Variants in DGKB observed in about 807,000 individuals in gnomAD.
DGKB encodes the protein diacylglycerol kinase beta.
Under a neutral mutation model 114.3 loss-of-function variants are expected in DGKB, and 67 were observed. The ratio of observed to expected loss-of-function variants is 0.59; its 90% confidence interval spans 0.48 to 0.72. The LOEUF (loss-of-function observed/expected upper bound fraction) is 0.72. DGKB is among the 30% of genes least tolerant of loss of function. The pLI is 0.00. For synonymous variants in DGKB, 398 were observed against 323.1 expected (o/e 1.23, Z -2.49); for missense variants, 907 against 975.2 (o/e 0.93, Z 0.93).
At chr7:14,870,602 C>T (rs1587050615) in intron 1 of DGKB, among the ~76,000 whole-genome samples, 1 of 152,188 alleles carries the variant, frequency 6.6e-6, no homozygotes, top group African/African-American at 2.4e-5. Flanking sequence ...TTGAGATCAG[C>T]CTGACCAACA....
intron 21 of DGKB, among the ~76,000 whole-genome samples, chr7:14,391,074 G>T (rs1821229969): frequency 6.6e-6 from 1 of 152,112 alleles, no homozygotes; most frequent in Non-Finnish European, 1.5e-5. Flanking sequence ...CAACCTAAAA[G>T]TTTGTATTCA....
rs188281903 is a variant in DGKB, at chr7:14,668,466, C to T, written c.1134+4463G>A. ...CCACTCGGGCTCCACTTCTAAATTG[C>T]CATGTACTATTCATGGGACACTGGG... is the stretch of plus-strand genomic sequence containing the variant. On this transcript the variant is annotated intron_variant, in intron 13 of 25. Coordinates refer to ENST00000402815, the MANE Select transcript of DGKB (RefSeq NM_001350709.2). Among the ~76,000 whole-genome samples the T allele has an allele frequency of 5.9e-5, 9 of 152,180 alleles. No individual in the cohort carries two copies. The East Asian group carries it at 1.2e-3, about 20-fold the overall frequency.
chr7:14,396,196 C>T (rs1167232063), intron 21 of DGKB, among the ~76,000 whole-genome samples: 2 of 151,862 alleles, frequency 1.3e-5, no homozygotes, highest in African/African-American at 4.8e-5. Flanking sequence ...AAGTCTGTTA[C>T]CTGAAAAATT....
intron 23 of DGKB, among the ~76,000 whole-genome samples, chr7:14,304,087 A>T (rs111789464): frequency 0.045 from 4,949 of 110,096 alleles, 162 homozygotes; most frequent in Non-Finnish European, 0.056. Context: ...ACACACACAC[A>T]CTCTCTCTCT....
intron 21 of DGKB, among the ~76,000 whole-genome samples, chr7:14,354,395 CA>C (rs1186249221): frequency 6.6e-6 from 1 of 152,078 alleles, no homozygotes; most frequent in African/African-American, 2.4e-5. Flanking sequence ...CTTTGGGTAT[CA>C]GGGGAGGTTA....
chr7:14,257,748 T>C (rs951127603), intron 23 of DGKB, among the ~76,000 whole-genome samples: 1 of 152,132 alleles, frequency 6.6e-6, no homozygotes, highest in Non-Finnish European at 1.5e-5. Context: ...TTTTTTGAGA[T>C]GGAGTTTGGC....
intron 23 of DGKB, among the ~76,000 whole-genome samples, chr7:14,224,888 G>C (rs1790539499): frequency 6.6e-6 from 1 of 151,952 alleles, no homozygotes; most frequent in Admixed American, 6.6e-5. Flanking sequence ...ACAATGCCCT[G>C]GTGCATAGAT....
chr7:14,425,640 A>G (rs1011186010), intron 21 of DGKB, among the ~76,000 whole-genome samples: 1 of 152,186 alleles, frequency 6.6e-6, no homozygotes, highest in Non-Finnish European at 1.5e-5. Context: ...CTTGATTACA[A>G]GAGCAATGTC....
At position 14,804,070 on chromosome 7, in the gene DGKB, GGTGTGT is replaced by G. The variant is rs34964846; in HGVS notation, c.70+37118_70+37123del. Among the ~76,000 whole-genome samples the G allele has an allele frequency of 2.7e-3, 395 of 146,608 alleles. 1 individual carries two copies. The highest frequency in any genetic ancestry group is 8.8e-3 in the African/African-American group (356 of 40,330). On this transcript the variant is annotated intron_variant, in intron 2 of 25. Coordinates refer to ENST00000402815, the MANE Select transcript of DGKB (RefSeq NM_001350709.2). Reference sequence around the variant, plus strand: ...TTCTTCACATTGACTTCACTTTTTGGGTGTGTGTGTGTGTGTGTGTGTGTGTGTTTA... The same window carrying G: ...TTCTTCACATTGACTTCACTTTTTGGGTGTGTGTGTGTGTGTGTGTGTTTA...
intron 17 of DGKB, among the ~76,000 whole-genome samples, chr7:14,586,020 C>G (rs1230243708): frequency 2.0e-5 from 3 of 152,046 alleles, no homozygotes; most frequent in Non-Finnish European, 4.4e-5. Context: ...ATTAACAACC[C>G]TACAATGTCC....
intron 3 of DGKB, among the ~76,000 whole-genome samples, chr7:14,754,706 G>A (rs956171778): frequency 4.6e-5 from 7 of 152,128 alleles, no homozygotes; most frequent in Non-Finnish European, 2.9e-5. Flanking sequence ...CTGGATCTCT[G>A]CTACAAACTA....
At chr7:14,473,811 GA>G (rs2128895116) in intron 21 of DGKB, among the ~76,000 whole-genome samples, 1 of 152,310 alleles carries the variant, frequency 6.6e-6, no homozygotes, top group South Asian at 2.1e-4. Context: ...TGCCCCACTG[GA>G]TTTTGCAGTT....
intron 23 of DGKB, among the ~76,000 whole-genome samples, chr7:14,278,349 G>T (rs749799179): frequency 6.6e-6 from 1 of 152,180 alleles, no homozygotes; most frequent in Non-Finnish European, 1.5e-5. Context: ...TATATTTATG[G>T]TCAATTGATT....
intron 1 of DGKB, among the ~76,000 whole-genome samples, chr7:14,962,647 TGTGTG>T (rs1311388671): frequency 1.4e-5 from 2 of 146,072 alleles, no homozygotes; most frequent in African/African-American, 5.5e-5. Context: ...TGTGTGTGTG[TGTGTG>T]TGTGTGTGTG....
chr7:14,450,123 T>C (rs1831266151), intron 21 of DGKB, among the ~76,000 whole-genome samples: 1 of 152,088 alleles, frequency 6.6e-6, no homozygotes, highest in Non-Finnish European at 1.5e-5. Context: ...TTTATCAATA[T>C]GCAAAATAGA....
At chr7:14,510,019 A>G (rs548293904) in intron 20 of DGKB, among the ~76,000 whole-genome samples, 13 of 152,242 alleles carry the variant, frequency 8.5e-5, no homozygotes, top group African/African-American at 3.1e-4. Flanking sequence ...ACTAAAAAAT[A>G]GAAAAAATTA....
intron 20 of DGKB, among the ~76,000 whole-genome samples, chr7:14,537,868 G>C (rs1401268273): frequency 6.6e-6 from 1 of 152,094 alleles, no homozygotes; most frequent in Non-Finnish European, 1.5e-5. Flanking sequence ...ATCACCTGAG[G>C]TTGGAAGTTT....
intron 21 of DGKB, among the ~76,000 whole-genome samples, chr7:14,465,837 T>C (rs1780382702): frequency 6.6e-6 from 1 of 152,210 alleles, no homozygotes; most frequent in African/African-American, 2.4e-5. Flanking sequence ...TAATTCTTCA[T>C]AGTGAAGTAT....
At chr7:14,730,570 A>G (rs761234320) in intron 5 of DGKB, among the ~76,000 whole-genome samples, 17 of 152,218 alleles carry the variant, frequency 1.1e-4, no homozygotes, top group Admixed American at 7.2e-4. Flanking sequence ...AAATAGTTGG[A>G]TATGGGGTGC....
Sources: gnomAD v4.1 joint callset for allele counts (sites outside exome capture counted in the v4.1 genomes callset) on GRCh38, gnomAD v4.1.1 for gene constraint, MANE v1.5 for transcripts, NCBI Gene and HGNC (gene_info 2026-07-23, HGNC 2026-07-21) for gene names.